The following CAMKMT variants were observed in gnomAD, a reference collection of about 807,000 sequenced individuals.
The protein encoded by CAMKMT is CaM KMT.
CAMKMT carries 53 observed loss-of-function variants against 48.0 expected under a neutral mutation model. That is an observed-to-expected ratio of 1.10 (90% confidence interval 0.89 to 1.39). CAMKMT has a LOEUF of 1.39. CAMKMT is among the 40% of genes most tolerant of loss of function. CAMKMT has a pLI of 0.00. For missense variants in CAMKMT, 428 were observed against 402.7 expected, an observed-to-expected ratio of 1.06 and a Z score of -0.54; for synonymous variants, 165 against 152.3, an observed-to-expected ratio of 1.08 and a Z score of -0.61.
At chr2:44,447,365 A>T (rs1338345507) in intron 3 of CAMKMT, among the ~76,000 whole-genome samples, 1 of 152,192 alleles carries the variant, frequency 6.6e-6, no homozygotes, top group African/African-American at 2.4e-5. Context: ...ATTTTGTATC[A>T]TACCCCTCCT....
At chr2:44,494,492 A>C (rs990535513) in intron 3 of CAMKMT, among the ~76,000 whole-genome samples, 5 of 152,320 alleles carry the variant, frequency 3.3e-5, no homozygotes, top group Non-Finnish European at 5.9e-5. Flanking sequence ...AACTGTTGCT[A>C]AGGGATAATG....
At chr2:44,421,720 AAC>A (rs1683947373) in intron 3 of CAMKMT, among the ~76,000 whole-genome samples, 1 of 152,208 alleles carries the variant, frequency 6.6e-6, no homozygotes. Context: ...CTAAATCAAA[AAC>A]AGAGAAAACT....
intron 9 of CAMKMT, among the ~76,000 whole-genome samples, chr2:44,754,780 T>C (rs140850960): frequency 6.6e-6 from 1 of 152,034 alleles, no homozygotes; most frequent in African/African-American, 2.4e-5. Flanking sequence ...AGCTAGGAGG[T>C]CCTGCAGCCT....
chr2:44,614,944 T>TTTTTTTTTTTTTTTTTTTTTTTG (rs1671797747), intron 3 of CAMKMT, among the ~76,000 whole-genome samples: 1 of 124,138 alleles, frequency 8.1e-6, no homozygotes, highest in Non-Finnish European at 1.7e-5. Flanking sequence ...TGCTTTTTTT[T>TTTTTTTTTTTTTTTTTTTTTTTG]TTTTTTTTTT....
At chr2:44,640,276 A>G (rs962316202) in intron 3 of CAMKMT, among the ~76,000 whole-genome samples, 2 of 152,228 alleles carry the variant, frequency 1.3e-5, no homozygotes, top group Non-Finnish European at 2.9e-5. Context: ...GGTTTTAACA[A>G]TACAATACAA....
chr2:44,413,934 G>C (rs1267525404), intron 3 of CAMKMT, among the ~76,000 whole-genome samples: 1 of 152,088 alleles, frequency 6.6e-6, no homozygotes, highest in Non-Finnish European at 1.5e-5. Context: ...ATTTATCCTT[G>C]TTTGAGAACT....
chr2:44,601,567 A>G (rs1670994450), intron 3 of CAMKMT, among the ~76,000 whole-genome samples: 1 of 152,048 alleles, frequency 6.6e-6, no homozygotes, highest in South Asian at 2.1e-4. Context: ...TCTTGGAGAT[A>G]CTATGTTTCT....
chr2:44,523,768 G>GC (rs1405093639), intron 3 of CAMKMT, among the ~76,000 whole-genome samples: 2 of 140,178 alleles, frequency 1.4e-5, no homozygotes, highest in East Asian at 4.0e-4. Context: ...CAGAGAGCGA[G>GC]CATTTTTTTT....
At chr2:44,424,316 G>A (rs565064269) in intron 3 of CAMKMT, among the ~76,000 whole-genome samples, 3 of 151,986 alleles carry the variant, frequency 2.0e-5, no homozygotes, top group East Asian at 3.9e-4. Context: ...ATCGGTAGAC[G>A]CTCATCTCAA....
At chr2:44,728,893 G>A (rs1353757033) in intron 7 of CAMKMT, among the ~76,000 whole-genome samples, 1 of 56,530 alleles carries the variant, frequency 1.8e-5, no homozygotes, top group East Asian at 4.8e-4. Flanking sequence ...TTGATCTTTT[G>A]TATGGATTTT....
At chr2:44,512,211 A>G (rs904880094) in intron 3 of CAMKMT, among the ~76,000 whole-genome samples, 1 of 152,174 alleles carries the variant, frequency 6.6e-6, no homozygotes, top group Admixed American at 6.5e-5. Flanking sequence ...TACACAAGAC[A>G]AAAAAGGGGC....
intron 3 of CAMKMT, among the ~76,000 whole-genome samples, chr2:44,547,220 T>C (rs1338157889): frequency 6.6e-6 from 1 of 152,164 alleles, no homozygotes; most frequent in Non-Finnish European, 1.5e-5. Context: ...AGTAGTCTTA[T>C]TGGGTCCTCT....
Position 44,546,883 on chromosome 2 carries a change from C to G in CAMKMT, c.376+156578C>G, listed in dbSNP as rs182162534. Among the ~76,000 whole-genome samples the G allele has an allele frequency of 4.6e-5, 7 of 152,200 alleles. No homozygotes were observed. The East Asian group carries it at 1.4e-3, about 29-fold the overall frequency. On this transcript the variant is annotated intron_variant, in intron 3 of 10. Coordinates refer to ENST00000378494, the MANE Select transcript of CAMKMT (RefSeq NM_024766.5). ...GTGTAGTGCACACTGAGAGACTGAC[C>G]ATACAACAAAATGACATATGAGTTG...
At position 44,423,495 on chromosome 2, in the gene CAMKMT, C is replaced by T. The variant is rs185626703; in HGVS notation, c.376+33190C>T. The stretch of plus-strand genomic sequence containing the variant: ...CATCGCGCTGGGCCAAAACCCTTAA[C>T]TCAAATAGCACTTCAAGCATCAGTT... On this transcript the variant is annotated intron_variant, in intron 3 of 10. Coordinates refer to ENST00000378494, the MANE Select transcript of CAMKMT (RefSeq NM_024766.5). 2.0e-5 allele frequency among the ~76,000 whole-genome samples: 3 copies of T among 152,252 alleles called. No individual in the cohort carries two copies. In the East Asian group the frequency reaches 5.8e-4, roughly 29 times the overall value.
chr2:44,384,390 G>A (rs1240911491), intron 2 of CAMKMT, among the ~76,000 whole-genome samples: 2 of 150,896 alleles, frequency 1.3e-5, no homozygotes, highest in Non-Finnish European at 1.5e-5. Context: ...TTTGTCAGAT[G>A]TTTAGATTGT....
Position 44,440,234 on chromosome 2 carries a change from C to T in CAMKMT, c.376+49929C>T, listed in dbSNP as rs1021230855. Among the ~76,000 whole-genome samples, 4 of 152,200 alleles carry T rather than the reference C, an allele frequency of 2.6e-5. No individual in the cohort carries two copies. In the South Asian group the frequency reaches 8.3e-4, roughly 32 times the overall value. On this transcript the variant is annotated intron_variant, in intron 3 of 10. Transcript: ENST00000378494. ...TGCAGCCCATGATTTCCTTGAGTTTCCTGAGGTTCTAAAAGCCAACTTGGG... is the reference window on the plus strand; with the variant it reads ...TGCAGCCCATGATTTCCTTGAGTTTTCTGAGGTTCTAAAAGCCAACTTGGG...
At chr2:44,646,538 C>T (rs1284416530) in intron 3 of CAMKMT, among the ~76,000 whole-genome samples, 1 of 152,108 alleles carries the variant, frequency 6.6e-6, no homozygotes, top group African/African-American at 2.4e-5. Context: ...TCTTCACTGC[C>T]TAGATGTGCG....
At chr2:44,468,691 A>G (rs953684272) in intron 3 of CAMKMT, among the ~76,000 whole-genome samples, 1 of 152,070 alleles carries the variant, frequency 6.6e-6, no homozygotes, top group African/African-American at 2.4e-5. Flanking sequence ...GGCTGAGGAG[A>G]GAGGATTGTT....
chr2:44,687,063 G>A (rs970912245), intron 3 of CAMKMT, among the ~76,000 whole-genome samples: 1 of 152,192 alleles, frequency 6.6e-6, no homozygotes, highest in Non-Finnish European at 1.5e-5. Context: ...TCTCTCCAAT[G>A]TATGATAATT....
Sources: allele counts gnomAD v4.1 joint callset (sites outside exome capture counted in the v4.1 genomes callset), GRCh38; gene constraint gnomAD v4.1.1; transcripts MANE v1.5; gene names NCBI Gene and HGNC (gene_info 2026-07-23, HGNC 2026-07-21).